Variants in EDNRB observed in about 807,000 individuals in gnomAD.
The protein encoded by EDNRB is Hirschsprung disease 2.
In EDNRB, 18 loss-of-function variants were observed where a neutral mutation model predicts 46.4. The ratio of observed to expected loss-of-function variants is 0.39; its 90% confidence interval spans 0.27 to 0.57. The LOEUF (loss-of-function observed/expected upper bound fraction) is 0.57. EDNRB is among the 20% of genes least tolerant of loss of function. EDNRB has a pLI of 0.61. For synonymous variants in EDNRB, 213 were observed against 204.9 expected (o/e 1.04, Z -0.34); for missense variants, 434 against 537.5 (o/e 0.81, Z 1.90).
intron 1 of EDNRB, among the ~76,000 whole-genome samples, chr13:77,909,171 G>T (rs976708146): frequency 2.0e-5 from 3 of 152,002 alleles, no homozygotes; most frequent in Non-Finnish European, 4.4e-5. Context: ...TTCTACTCAA[G>T]AAAGACCGTG....
intron 1 of EDNRB, among the ~76,000 whole-genome samples, chr13:77,934,066 T>C (rs1164992240): frequency 6.6e-6 from 1 of 151,946 alleles, no homozygotes; most frequent in East Asian, 1.9e-4. Context: ...CGGTTTGGGG[T>C]TAGCACCAAG....
rs777047229 is a variant in EDNRB at position 77,898,257 on chromosome 13, T to C, written c.1272A>G (p.Lys424=). 1 of 1,612,222 alleles carries C rather than the reference T, an allele frequency of 6.2e-7. No individual in the cohort carries two copies. Among genetic ancestry groups the C allele is most frequent in the Non-Finnish European group, 8.5e-7 (1 of 1,178,868 alleles). Residue 424 remains lysine (K), a synonymous_variant, in exon 7 of 7, where the codon AAA becomes AAG. Transcript: ENST00000646607. ...LEEKQSCLKF[K]ANDHGYDNFR... ...AGTTGTCATATCCGTGATCATTAGCTTTGAACTTTAAGCACGACTGCTTTT... is the reference window on the plus strand; with the variant it reads ...AGTTGTCATATCCGTGATCATTAGCCTTGAACTTTAAGCACGACTGCTTTT...
At chr13:77,949,361 T>A (rs529830706) in intron 1 of EDNRB, among the ~76,000 whole-genome samples, 1 of 152,200 alleles carries the variant, frequency 6.6e-6, no homozygotes, top group Non-Finnish European at 1.5e-5. Context: ...TAAGTTCTTC[T>A]ACGGCAGTCT....
intron 1 of EDNRB, among the ~76,000 whole-genome samples, chr13:77,915,061 T>C (rs1426979585): frequency 6.6e-6 from 1 of 152,182 alleles, no homozygotes; most frequent in Non-Finnish European, 1.5e-5. Context: ...TTTAAGCCTC[T>C]CATATTAGGA....
chr13:77,971,835 T>C (rs79403983), intron 1 of EDNRB, among the ~76,000 whole-genome samples: 37,547 of 151,848 alleles, frequency 0.25, 5,751 homozygotes, highest in East Asian at 0.54. Context: ...TTCTCCTTCT[T>C]GTTGATGAAA....
rs1566300988 is a variant in EDNRB, at chr13:77,896,570, A to T, written c.*1630T>A. The T allele has an allele frequency of 6.5e-7, 1 of 1,548,244 alleles. No homozygotes were observed. ...ACATGTGGCCCAGCCTATTAAAAGA[A>T]AAACAAAGTAAAAATTTGGGCATAT... On this transcript the variant is annotated 3_prime_UTR_variant, in exon 7 of 7. Coordinates refer to ENST00000646607, the MANE Select transcript of EDNRB (RefSeq NM_001122659.3).
intron 1 of EDNRB, among the ~76,000 whole-genome samples, chr13:77,929,348 C>T (rs1391861990): frequency 6.6e-6 from 1 of 152,148 alleles, no homozygotes; most frequent in Non-Finnish European, 1.5e-5. Context: ...ATGGTAGATG[C>T]ACCTATCCAT....
In EDNRB at chr13:77,898,272, C is replaced by T. The variant is rs201503250; in HGVS notation, c.1257G>A (p.Ser419=). ...GATCATTAGCTTTGAACTTTAAGCA[C>T]GACTGCTTTTCCTCCAAGGACTGTT... ...EEKQSLEEKQ[S]CLKFKANDHG... The change falls in exon 7 of 7, where the codon TCG becomes TCA. Residue 419 remains serine, a synonymous_variant. Coordinates refer to ENST00000646607, the MANE Select transcript of EDNRB (RefSeq NM_001122659.3). The T allele has an allele frequency of 4.3e-5, 70 of 1,612,124 alleles. No individual in the cohort carries two copies. Among genetic ancestry groups the T allele is most frequent in the Middle Eastern group, 3.3e-4 (2 of 6,048 alleles).
chr13:77,939,982 G>A (rs1880693060), intron 1 of EDNRB: 1 of 146,974 alleles, frequency 6.8e-6, no homozygotes, highest in Admixed American at 6.9e-5. Context: ...GCAACAGAGT[G>A]AGACTCTGTC....
intron 1 of EDNRB, among the ~76,000 whole-genome samples, chr13:77,938,686 C>G (rs917255771): frequency 6.6e-6 from 1 of 152,080 alleles, no homozygotes; most frequent in African/African-American, 2.4e-5. Flanking sequence ...ACAGATAAAA[C>G]GTGTCTCCTT....
chr13:77,896,426 C>A lies in EDNRB; in HGVS notation c.*1774G>T, dbSNP rs1878626124. 1 of 1,549,122 alleles carries A rather than the reference C, an allele frequency of 6.5e-7. No homozygotes were observed. Among genetic ancestry groups the A allele is most frequent in the Non-Finnish European group, 8.7e-7 (1 of 1,146,124 alleles). On this transcript the variant is annotated 3_prime_UTR_variant, in exon 7 of 7. Transcript: ENST00000646607. Reference sequence around the variant, plus strand: ...TTTGTGGGTGATTTATAAATAGAATCCATATGGTGTGTGAATTAATTATTA... The same window carrying A: ...TTTGTGGGTGATTTATAAATAGAATACATATGGTGTGTGAATTAATTATTA...
At chr13:77,966,130 C>T (rs1016428013) in intron 1 of EDNRB, among the ~76,000 whole-genome samples, 4 of 152,088 alleles carry the variant, frequency 2.6e-5, no homozygotes, top group Non-Finnish European at 5.9e-5. Flanking sequence ...CTCAAGTGCT[C>T]CTCATACCTT....
At chr13:77,940,604 C>G (rs1880714637) in intron 1 of EDNRB, among the ~76,000 whole-genome samples, 1 of 152,088 alleles carries the variant, frequency 6.6e-6, no homozygotes, top group South Asian at 2.1e-4. Flanking sequence ...TGTGGTTTAC[C>G]TCTTAGGCAT....
At chr13:77,960,310 G>A (rs945624582) in intron 1 of EDNRB, among the ~76,000 whole-genome samples, 11 of 152,182 alleles carry the variant, frequency 7.2e-5, no homozygotes, top group Non-Finnish European at 1.0e-4. Flanking sequence ...ACCCACAAAG[G>A]AAAGCCCATC....
chr13:77,928,275 T>A (rs1000786040), intron 1 of EDNRB, among the ~76,000 whole-genome samples: 6 of 152,200 alleles, frequency 3.9e-5, no homozygotes, highest in African/African-American at 1.4e-4. Flanking sequence ...TATACTATCA[T>A]CATATTTTAA....
chr13:77,915,276 C>T lies in EDNRB; in HGVS notation c.483+2815G>A, dbSNP rs190010487. Among the ~76,000 whole-genome samples, 63 of 152,228 alleles carry T rather than the reference C, an allele frequency of 4.1e-4. No individual in the cohort carries two copies. The South Asian group carries it at 6.2e-3, about 15-fold the overall frequency. ...TTCCACTGATATTACACACTACAGA[C>T]CAGCTGAAGGGGGTTTCAAGAGACC... On this transcript the variant is annotated intron_variant, in intron 1 of 6. Coordinates refer to ENST00000646607, the MANE Select transcript of EDNRB (RefSeq NM_001122659.3).
At chr13:77,961,328 C>G (rs1471681378) in intron 1 of EDNRB, among the ~76,000 whole-genome samples, 3 of 152,242 alleles carry the variant, frequency 2.0e-5, no homozygotes, top group Middle Eastern at 3.4e-3. Flanking sequence ...CTCTCCACCC[C>G]AAATCAACAG....
At chr13:77,916,775 C>A (rs12720176) in intron 1 of EDNRB, among the ~76,000 whole-genome samples, 2,215 of 152,298 alleles carry the variant, frequency 0.015, 46 homozygotes, top group East Asian at 0.028. Flanking sequence ...GGCAAATCTG[C>A]AAAGCACAAT....
chr13:77,908,861 T>C (rs922003742), intron 1 of EDNRB, among the ~76,000 whole-genome samples: 1 of 152,036 alleles, frequency 6.6e-6, no homozygotes, highest in Non-Finnish European at 1.5e-5. Context: ...TTTTAAATCC[T>C]GTTTAAAATT....
Sources: allele counts gnomAD v4.1 joint callset (sites outside exome capture counted in the v4.1 genomes callset), GRCh38; gene constraint gnomAD v4.1.1; transcripts MANE v1.5; gene names NCBI Gene and HGNC (gene_info 2026-07-23, HGNC 2026-07-21).